Variants in SCN8A observed in about 807,000 individuals in gnomAD.
The protein encoded by SCN8A is sodium voltage-gated channel alpha subunit 8, also known as sodium channel protein type 8 subunit alpha.
In SCN8A, 30 loss-of-function variants were observed where a neutral mutation model predicts 184.1. The observed-to-expected ratio is 0.16, with a 90% CI of 0.12 to 0.22. The LOEUF (loss-of-function observed/expected upper bound fraction) is 0.22. Among genes scored for constraint, SCN8A ranks in the 10% least tolerant of loss-of-function variants. The pLI is 1.00. For missense variants in SCN8A, 1,057 were observed against 2,498.9 expected (o/e 0.42, Z 12.30); for synonymous variants, 852 against 907.0 (o/e 0.94, Z 1.09).
chr12:51,701,280 AATATGTTTACTTTTCTTTGTGCTC>A lies in SCN8A; in HGVS notation c.992+75_992+98del, dbSNP rs556911368. The A allele has an allele frequency of 7.9e-5, 74 of 933,584 alleles. No homozygotes were observed. The East Asian group carries it at 1.8e-3, about 23-fold the overall frequency. The allele number at this position is 933,584 out of a possible 1,614,324, so 57.8% of individuals were successfully genotyped here. A position where few individuals can be genotyped will look rare whatever the true frequency, so the allele number is the denominator to read the frequency against. On this transcript the variant is annotated intron_variant, in intron 8 of 26. Coordinates refer to ENST00000627620, the MANE Select transcript of SCN8A (RefSeq NM_001330260.2). ...TGTTATTAGTAGGGTCAAAATAGGC[AATATGTTTACTTTTCTTTGTGCTC>A]AAGTAGTAGACCTTACAATTGCATC...
chr12:51,664,648 A>T (rs1252285555), intron 2 of SCN8A, among the ~76,000 whole-genome samples: 1 of 152,004 alleles, frequency 6.6e-6, no homozygotes, highest in African/African-American at 2.4e-5. Flanking sequence ...CTGGACCTAA[A>T]CTATTTTTTC....
intron 22 of SCN8A, among the ~76,000 whole-genome samples, chr12:51,787,477 T>C (rs142249291): frequency 0.014 from 2,207 of 152,352 alleles, 31 homozygotes; most frequent in African/African-American, 0.035. Flanking sequence ...TAGACTGTTA[T>C]AGATTTGAAC....
At chr12:51,671,674 T>C (rs1302801551) in intron 2 of SCN8A, among the ~76,000 whole-genome samples, 2 of 152,232 alleles carry the variant, frequency 1.3e-5, no homozygotes, top group African/African-American at 4.8e-5. Context: ...AGTGCTTTCT[T>C]AGTTAAGGAG....
At chr12:51,695,465 C>T (rs1476358436) in intron 6 of SCN8A, among the ~76,000 whole-genome samples, 3 of 152,168 alleles carry the variant, frequency 2.0e-5, no homozygotes, top group Non-Finnish European at 2.9e-5. Context: ...GAATTCCATG[C>T]AGGCTTGACA....
intron 14 of SCN8A, among the ~76,000 whole-genome samples, chr12:51,758,984 A>T (rs303768): frequency 6.7e-6 from 1 of 149,988 alleles, no homozygotes; most frequent in Admixed American, 6.6e-5. Flanking sequence ...ATGTATGTAT[A>T]TGTGTGTGTG....
intron 1 of SCN8A, among the ~76,000 whole-genome samples, chr12:51,596,888 G>C (rs1303795071): frequency 6.6e-6 from 1 of 152,176 alleles, no homozygotes; most frequent in East Asian, 1.9e-4. Context: ...AACCAGGACT[G>C]TAGGGAATTA....
At chr12:51,799,160 ATC>A (rs1938490551) in intron 26 of SCN8A, among the ~76,000 whole-genome samples, 1 of 152,188 alleles carries the variant, frequency 6.6e-6, no homozygotes, top group African/African-American at 2.4e-5. Context: ...CCATGAGGCC[ATC>A]TCTGCAGGCT....
chr12:51,636,104 C>T (rs958724510), intron 1 of SCN8A, among the ~76,000 whole-genome samples: 8 of 152,190 alleles, frequency 5.3e-5, no homozygotes, highest in African/African-American at 9.7e-5. Context: ...ACGCCATTCT[C>T]CTGCCTCAGC....
intron 11 of SCN8A, chr12:51,713,109 C>T: frequency 7.8e-7 from 1 of 1,278,802 alleles, no homozygotes; most frequent in Admixed American, 1.7e-5. Flanking sequence ...CAGATCCTCT[C>T]TTTTTTCCAC....
chr12:51,620,496 A>G (rs1370400568), intron 1 of SCN8A, among the ~76,000 whole-genome samples: 3 of 152,110 alleles, frequency 2.0e-5, no homozygotes, highest in South Asian at 2.1e-4. Context: ...ATATAACTCT[A>G]TATTTGAGAA....
chr12:51,698,840 G>A (rs939820353), intron 6 of SCN8A, among the ~76,000 whole-genome samples: 1 of 152,170 alleles, frequency 6.6e-6, no homozygotes, highest in African/African-American at 2.4e-5. Context: ...GGCATTTCCA[G>A]AATCCTTGGG....
intron 14 of SCN8A, among the ~76,000 whole-genome samples, chr12:51,757,579 G>C (rs1262906253): frequency 6.6e-6 from 1 of 152,134 alleles, no homozygotes; most frequent in Admixed American, 6.6e-5. Flanking sequence ...GGACTATATA[G>C]GCCTTACTTG....
chr12:51,739,814 G>GACAC (rs554288348), intron 12 of SCN8A, among the ~76,000 whole-genome samples: 4 of 152,008 alleles, frequency 2.6e-5, no homozygotes, highest in African/African-American at 9.7e-5. Context: ...AGGAATTAAA[G>GACAC]ACACACACAC....
At chr12:51,767,272 T>C (rs1342552428) in intron 16 of SCN8A, among the ~76,000 whole-genome samples, 1 of 152,160 alleles carries the variant, frequency 6.6e-6, no homozygotes, top group African/African-American at 2.4e-5. Flanking sequence ...CTTATTTGTC[T>C]CAAAGACATC....
intron 8 of SCN8A, 63 bp from the exon 9 acceptor site, chr12:51,702,710 C>A (rs910633117): frequency 3.4e-5 from 46 of 1,339,266 alleles, no homozygotes; most frequent in Admixed American, 1.3e-4. Context: ...TATTTATTAT[C>A]TCCAAGGTCA....
rs1227313766 is a variant in SCN8A at position 51,762,499 on chromosome 12, T to G, written c.2371-4T>G. The G allele has an allele frequency of 6.2e-7, 1 of 1,612,970 alleles. No homozygotes were observed. The highest frequency in any genetic ancestry group is 2.2e-5 in the East Asian group (1 of 44,846). ...TTTCTTACCCCCTGCATCCCCCTAT[T>G]TAGGTTTTCACTGGAATTTTCACAG... On this transcript the variant is annotated splice_region_variant and splice_polypyrimidine_tract_variant and intron_variant, in intron 14 of 26. Transcript: ENST00000627620.
At chr12:51,782,654 A>G (rs902351424) in intron 21 of SCN8A, among the ~76,000 whole-genome samples, 2 of 152,136 alleles carry the variant, frequency 1.3e-5, no homozygotes, top group South Asian at 2.1e-4. Flanking sequence ...GTTACTAACT[A>G]TTTCCATCTA....
chr12:51,803,990 T>C (rs553534769), intron 26 of SCN8A, among the ~76,000 whole-genome samples: 1 of 152,320 alleles, frequency 6.6e-6, no homozygotes, highest in East Asian at 1.9e-4. Flanking sequence ...GTGAGAAATG[T>C]TTCCTTAAAT....
intron 1 of SCN8A, among the ~76,000 whole-genome samples, chr12:51,623,033 T>C (rs568891071): frequency 6.6e-6 from 1 of 152,326 alleles, no homozygotes; most frequent in South Asian, 2.1e-4. Flanking sequence ...CTGTGTCACT[T>C]TGACATGTCC....
Sources: gnomAD v4.1 joint callset for allele counts (sites outside exome capture counted in the v4.1 genomes callset) on GRCh38, gnomAD v4.1.1 for gene constraint, MANE v1.5 for transcripts, NCBI Gene and HGNC (gene_info 2026-07-23, HGNC 2026-07-21) for gene names.